EIF2AK4: variants seen among roughly 807,000 people sequenced by gnomAD.
EIF2AK4 encodes the protein eIF-2-alpha kinase GCN2.
A neutral mutation model predicts 211.1 loss-of-function variants in EIF2AK4; 139 were observed. The observed-to-expected ratio is 0.66, with a 90% CI of 0.57 to 0.76. The LOEUF (loss-of-function observed/expected upper bound fraction) is 0.76, where lower values mean the gene tolerates loss of function less well. EIF2AK4 is among the 30% of genes least tolerant of loss of function. The pLI, the probability that EIF2AK4 is intolerant of heterozygous loss-of-function variation, is 0.00. For missense variants in EIF2AK4, 1,664 were observed against 2,043.8 expected, an observed-to-expected ratio of 0.81 and a Z score of 3.58; for synonymous variants, 710 against 751.3, an observed-to-expected ratio of 0.94 and a Z score of 0.90.
intron 31 of EIF2AK4, chr15:40,022,283 G>T: frequency 8.0e-6 from 3 of 372,910 alleles, no homozygotes; most frequent in Non-Finnish European, 1.5e-5. Context: ...TCTTACTATT[G>T]ATTGATTATT....
chr15:39,936,018 G>A (rs13380337), intron 1 of EIF2AK4, among the ~76,000 whole-genome samples: 1 of 152,108 alleles, frequency 6.6e-6, no homozygotes, highest in Non-Finnish European at 1.5e-5. Flanking sequence ...AGTGTACATG[G>A]GACTCAACAC....
At chr15:39,998,211 A>G (rs1398847795) in intron 19 of EIF2AK4, among the ~76,000 whole-genome samples, 4 of 142,982 alleles carry the variant, frequency 2.8e-5, no homozygotes, top group South Asian at 2.1e-4. Flanking sequence ...TTGGGGAAGT[A>G]GAGATTTTTT....
intron 18 of EIF2AK4, among the ~76,000 whole-genome samples, chr15:39,995,067 C>T (rs778614866): frequency 1.4e-4 from 21 of 152,116 alleles, no homozygotes; most frequent in Non-Finnish European, 2.6e-4. Flanking sequence ...GTCTCAAACT[C>T]CTGACCTCAG....
In EIF2AK4 at chr15:40,011,092, ATAAGT is replaced by A. The variant is rs112798106; in HGVS notation, c.3694-185_3694-181del. Among the ~76,000 whole-genome samples, 2,966 of 152,302 alleles carry A rather than the reference ATAAGT, an allele frequency of 0.019. 84 individuals carry two copies. The highest frequency in any genetic ancestry group is 0.068 in the African/African-American group (2,844 of 41,554). On this transcript the variant is annotated intron_variant, in intron 26 of 38. Coordinates refer to ENST00000263791, the MANE Select transcript of EIF2AK4 (RefSeq NM_001013703.4). ...TTGTCAGGGTTTTTCAGATTTTAAA[ATAAGT>A]TAATTACGGTTTTGTGTGAATTGGG...
chr15:39,935,153 A>T (rs2034045892), intron 1 of EIF2AK4, among the ~76,000 whole-genome samples: 1 of 152,216 alleles, frequency 6.6e-6, no homozygotes, highest in African/African-American at 2.4e-5. Context: ...AGCTTGCTCT[A>T]GCTCTAGACC....
intron 23 of EIF2AK4, among the ~76,000 whole-genome samples, chr15:40,006,371 A>C (rs1336149186): frequency 1.3e-5 from 2 of 152,236 alleles, no homozygotes; most frequent in Admixed American, 6.5e-5. Context: ...CTGGCTTCTT[A>C]TTCTCTAAAT....
At chr15:39,957,650 A>C (rs1283462201) in intron 6 of EIF2AK4, among the ~76,000 whole-genome samples, 2 of 152,116 alleles carry the variant, frequency 1.3e-5, no homozygotes, top group Admixed American at 1.3e-4. Flanking sequence ...GGTCTGTGAG[A>C]GCAAAGCCCT....
chr15:40,011,428 T>C (rs377013536), intron 27 of EIF2AK4, 82 bp downstream of exon 27: 1 of 1,266,784 alleles, frequency 7.9e-7, no homozygotes, highest in Non-Finnish European at 1.1e-6. Flanking sequence ...CTCGTTGCAG[T>C]AGGGTAGCAG....
At chr15:39,993,967 C>T (rs142389456) in intron 18 of EIF2AK4, among the ~76,000 whole-genome samples, 122 of 152,138 alleles carry the variant, frequency 8.0e-4, no homozygotes, top group African/African-American at 2.8e-3. Flanking sequence ...ATTTTCCCAA[C>T]GGAAGGAATG....
At chr15:39,949,598 A>G (rs2034278922) in intron 4 of EIF2AK4, among the ~76,000 whole-genome samples, 1 of 152,216 alleles carries the variant, frequency 6.6e-6, no homozygotes, top group Middle Eastern at 3.2e-3. Context: ...TCCCTGTGCA[A>G]GACTAGTATC....
At chr15:40,023,559 G>A (rs981577595) in intron 32 of EIF2AK4, among the ~76,000 whole-genome samples, 1 of 152,056 alleles carries the variant, frequency 6.6e-6, no homozygotes, top group East Asian at 1.9e-4. Flanking sequence ...TTTCCATTTC[G>A]TCTGAGTTTT....
intron 24 of EIF2AK4, among the ~76,000 whole-genome samples, 170 bp from the exon 25 acceptor site, chr15:40,007,857 C>T (rs1391226297): frequency 1.3e-5 from 2 of 152,164 alleles, no homozygotes; most frequent in African/African-American, 4.8e-5. Flanking sequence ...GAATTGGAAC[C>T]TAGATCACAA....
Position 39,967,443 on chromosome 15 carries a change from A to G in EIF2AK4, c.1117A>G (p.Ile373Val). The G allele has an allele frequency of 6.2e-7, 1 of 1,613,976 alleles. No homozygotes were observed. Among genetic ancestry groups the G allele is most frequent in the African/African-American group, 1.3e-5 (1 of 74,964 alleles). Residue 373 changes from isoleucine (I) to valine (V), a missense_variant, in exon 9 of 39, where the codon ATC (isoleucine) becomes GTC (valine). By Grantham distance (29) the Ile-to-Val change is conservative. Transcript: ENST00000263791. ...AMNLKEQDDS[I>V]VVDILVEHIS... Reference sequence around the variant, plus strand: ...GAATCTCAAAGAGCAAGACGACTCCATCGTGGTGGACATTTTAGTGGAGCA... The same window carrying G: ...GAATCTCAAAGAGCAAGACGACTCCGTCGTGGTGGACATTTTAGTGGAGCA...
rs555850911 is a variant in EIF2AK4 at position 40,020,797 on chromosome 15, T to C, written c.4174-102T>C. The C allele has an allele frequency of 7.0e-6, 7 of 1,000,060 alleles. No homozygotes were observed. The South Asian group carries it at 1.9e-4, about 27-fold the overall frequency. 61.9% of individuals were successfully genotyped at this position (1,000,060 alleles called of 1,614,324 possible). A position where few individuals can be genotyped will look rare whatever the true frequency, so the allele number is the denominator to read the frequency against. ...GTGTTTCTATGCAGGATTTCAAGAATGCCCATCTTCCCAAGAGTGCTGCCT... is the reference window on the plus strand; with the variant it reads ...GTGTTTCTATGCAGGATTTCAAGAACGCCCATCTTCCCAAGAGTGCTGCCT... On this transcript the variant is annotated intron_variant, in intron 30 of 38. Coordinates refer to ENST00000263791, the MANE Select transcript of EIF2AK4 (RefSeq NM_001013703.4).
At chr15:39,937,317 TATCTC>T (rs759373700) in intron 1 of EIF2AK4, among the ~76,000 whole-genome samples, 1 of 152,156 alleles carries the variant, frequency 6.6e-6, no homozygotes, top group Non-Finnish European at 1.5e-5. Context: ...AAATGAAACA[TATCTC>T]ATTTTAATTT....
At position 40,001,051 on chromosome 15, in the gene EIF2AK4, C is replaced by T; in HGVS notation, c.2986C>T (p.Leu996Phe). The T allele has an allele frequency of 6.2e-7, 1 of 1,614,204 alleles. No individual in the cohort carries two copies. The highest frequency in any genetic ancestry group is 1.3e-5 in the African/African-American group (1 of 75,030). Residue 996 changes from leucine (L) to phenylalanine (F), a missense_variant, in exon 21 of 39, where the codon CTC (leucine) becomes TTC (phenylalanine). Transcript: ENST00000263791. Reference sequence around the variant, plus strand: ...AAAACGGCCCACAGCCACAGAACTGCTCAAGAGTGAGCTGCTGCCCCCACC... The same window carrying T: ...AAAACGGCCCACAGCCACAGAACTGTTCAAGAGTGAGCTGCTGCCCCCACC... The part of the protein sequence containing the change: ...PAKRPTATEL[L>F]KSELLPPPQM...
At chr15:39,940,427 C>CT (rs2034129166) in intron 2 of EIF2AK4, among the ~76,000 whole-genome samples, 1 of 152,108 alleles carries the variant, frequency 6.6e-6, no homozygotes, top group African/African-American at 2.4e-5. Flanking sequence ...GGAAACTCTG[C>CT]TTTACACAGT....
chr15:39,955,790 T>A (rs1331496904), intron 6 of EIF2AK4, 22 bp downstream of exon 6: 1 of 1,565,164 alleles, frequency 6.4e-7, no homozygotes, highest in Non-Finnish European at 8.6e-7. Flanking sequence ...GGATTTCTGA[T>A]CTGGGAGAAT....
intron 2 of EIF2AK4, among the ~76,000 whole-genome samples, chr15:39,941,221 A>G (rs2034140348): frequency 1.3e-5 from 2 of 152,102 alleles, no homozygotes; most frequent in Admixed American, 1.3e-4. Context: ...ATTGAACTTG[A>G]TCTTCAGCCC....
Sources: allele counts gnomAD v4.1 joint callset (sites outside exome capture counted in the v4.1 genomes callset), GRCh38; gene constraint gnomAD v4.1.1; transcripts MANE v1.5; gene names NCBI Gene and HGNC (gene_info 2026-07-23, HGNC 2026-07-21).